Variants in ZFP2 observed in about 807,000 individuals in gnomAD.
The protein encoded by ZFP2 is ZFP2 zinc finger protein, also known as zinc finger protein ZFP2.
In ZFP2, 33 loss-of-function variants were observed where a neutral mutation model predicts 36.1. That is an observed-to-expected ratio of 0.92 (90% confidence interval 0.69 to 1.22). ZFP2 has a LOEUF of 1.22. Among genes scored for constraint, ZFP2 ranks in the 50% most tolerant of loss-of-function variants. ZFP2 has a pLI of 0.00. For missense variants in ZFP2, 522 were observed against 551.4 expected (o/e 0.95, Z 0.53); for synonymous variants, 170 against 178.0 (o/e 0.96, Z 0.36).
In ZFP2 at chr5:178,929,942, T is replaced by TGGG. The variant is rs66712212; in HGVS notation, c.-77-1286_-77-1284dup. Among the ~76,000 whole-genome samples, 385 of 131,610 alleles carry TGGG rather than the reference T, an allele frequency of 2.9e-3. 5 individuals are homozygous for TGGG. Among genetic ancestry groups the TGGG allele is most frequent in the Non-Finnish European group, 5.2e-3 (309 of 59,770 alleles). 86.3% of individuals were successfully genotyped at this position (131,610 alleles called of 152,430 possible). A position where few individuals can be genotyped will look rare whatever the true frequency, so the allele number is the denominator to read the frequency against. On this transcript the variant is annotated intron_variant, in intron 4 of 4. Transcript: ENST00000361362. ...CATAGTGCCAGCATCTGCTTGACGG[T>TGGG]GGGGGGGGGGGCTCAGGAGGCTTAC...
intron 1 of ZFP2, among the ~76,000 whole-genome samples, chr5:178,908,260 A>G (rs1364708885): frequency 4.6e-5 from 7 of 152,118 alleles, no homozygotes; most frequent in African/African-American, 1.4e-4. Context: ...AATCCTGGCT[A>G]ACATGGTGAA....
At chr5:178,911,027 C>T (rs1242504575) in intron 1 of ZFP2, among the ~76,000 whole-genome samples, 2 of 152,158 alleles carry the variant, frequency 1.3e-5, no homozygotes, top group African/African-American at 4.8e-5. Context: ...ATTCTCCTTT[C>T]TTTACGTTTG....
Position 178,931,292 on chromosome 5 carries a change from A to T in ZFP2, c.-22A>T. ...CAACTCCGAAGCCGGGTATTACTGAAGATTTATGCCATGGGGTAACAATGG... is the reference window on the plus strand; with the variant it reads ...CAACTCCGAAGCCGGGTATTACTGATGATTTATGCCATGGGGTAACAATGG... On this transcript the variant is annotated 5_prime_UTR_variant, in exon 5 of 5. It adds an upstream start codon to the 5' untranslated region. Transcript: ENST00000361362. 9 of 1,553,242 alleles carry T rather than the reference A, an allele frequency of 5.8e-6. No homozygotes were observed. The highest frequency in any genetic ancestry group is 7.8e-6 in the Non-Finnish European group (9 of 1,154,016).
rs1472710118 is a variant in ZFP2 at position 178,922,710 on chromosome 5, A to T, written c.-78+6000A>T. The T allele has an allele frequency of 7.0e-6, 11 of 1,578,870 alleles. 2 individuals are homozygous for T. Among genetic ancestry groups the T allele is most frequent in the African/African-American group, 1.3e-5 (1 of 74,474 alleles). On this transcript the variant is annotated intron_variant, in intron 4 of 4. Coordinates refer to ENST00000361362, the MANE Select transcript of ZFP2 (RefSeq NM_030613.4). ...CTGGAATAGAAAGCAACTTACATAC[A>T]AGAACAATTAACTGGAGCAAAGGGA... is the stretch of plus-strand genomic sequence containing the variant.
At chr5:178,906,818 A>T (rs1005026351) in intron 1 of ZFP2, among the ~76,000 whole-genome samples, 2 of 151,532 alleles carry the variant, frequency 1.3e-5, no homozygotes, top group Admixed American at 6.6e-5. Flanking sequence ...TCAGCCTCCG[A>T]AAGTGCTGGG....
chr5:178,905,324 GT>G (rs753377598), intron 1 of ZFP2, among the ~76,000 whole-genome samples: 3 of 152,064 alleles, frequency 2.0e-5, no homozygotes, highest in Non-Finnish European at 4.4e-5. Flanking sequence ...ATTCTTAGGT[GT>G]TTCATTTTCT....
At chr5:178,922,149 T>G in intron 4 of ZFP2, 1 of 1,155,480 alleles carries the variant, frequency 8.7e-7, no homozygotes, top group East Asian at 2.3e-5. Flanking sequence ...ATTCCATCAC[T>G]CTTCTTGGAG....
At chr5:178,915,573 CA>C (rs1758407527) in intron 3 of ZFP2, 1 of 151,656 alleles carries the variant, frequency 6.6e-6, no homozygotes, top group South Asian at 2.1e-4. Context: ...CTCAGCCTCC[CA>C]AAGTGCTAGG....
At chr5:178,925,321 T>G (rs1301280025) in intron 4 of ZFP2, among the ~76,000 whole-genome samples, 1 of 149,134 alleles carries the variant, frequency 6.7e-6, no homozygotes, top group East Asian at 1.9e-4. Flanking sequence ...TTGTGATGTT[T>G]CCAGTTTTTG....
At position 178,932,078 on chromosome 5, in the gene ZFP2, G is replaced by T. The variant is rs1758860741; in HGVS notation, c.765G>T (p.Met255Ile). Residue 255 changes from methionine (M) to isoleucine (I), a missense_variant, in exon 5 of 5, where the codon ATG becomes ATT. Coordinates refer to ENST00000361362, the MANE Select transcript of ZFP2 (RefSeq NM_030613.4). ...GTGGAAAAGCCTTCAGTCAAAGCAT[G>T]CATCTTATTGTACATCAGAGAAGCC... The part of the protein sequence containing the change: ...NECGKAFSQS[M>I]HLIVHQRSHT... 2.5e-6 allele frequency: 4 copies of T among 1,613,896 alleles called. No individual in the cohort carries two copies. The East Asian group carries it at 8.9e-5, about 36-fold the overall frequency.
At chr5:178,915,496 T>G (rs1268059263) in intron 3 of ZFP2, among the ~76,000 whole-genome samples, 1 of 151,894 alleles carries the variant, frequency 6.6e-6, no homozygotes, top group Non-Finnish European at 1.5e-5. Context: ...TGCATTTTAG[T>G]AGAGACAGGG....
intron 1 of ZFP2, among the ~76,000 whole-genome samples, chr5:178,897,816 C>T (rs1757973403): frequency 6.6e-6 from 1 of 152,140 alleles, no homozygotes. Context: ...TGCAATGGTG[C>T]CTAGTATACA....
intron 1 of ZFP2, chr5:178,909,999 A>T: frequency 7.0e-7 from 1 of 1,419,160 alleles, no homozygotes; most frequent in Non-Finnish European, 1.0e-6. Context: ...TAGTTTCCAT[A>T]GGGTGATGGC....
At chr5:178,903,845 G>A (rs1758110362) in intron 1 of ZFP2, among the ~76,000 whole-genome samples, 1 of 152,144 alleles carries the variant, frequency 6.6e-6, no homozygotes, top group Non-Finnish European at 1.5e-5. Flanking sequence ...ACAAAAATTA[G>A]CTGGGCATGG....
At chr5:178,922,982 T>C (rs1343918550) in intron 4 of ZFP2, among the ~76,000 whole-genome samples, 1 of 149,706 alleles carries the variant, frequency 6.7e-6, no homozygotes, top group Non-Finnish European at 1.5e-5. Context: ...TAAAATATTA[T>C]CTCATTCCAT....
chr5:178,910,128 C>T (rs1355848876), intron 1 of ZFP2: 15 of 1,453,474 alleles, frequency 1.0e-5, no homozygotes, highest in East Asian at 4.5e-5. Context: ...GCTGGAGAAC[C>T]GTGCACAGAT....
At chr5:178,919,982 TTGATTA>T (rs1758521009) in intron 4 of ZFP2, among the ~76,000 whole-genome samples, 1 of 151,376 alleles carries the variant, frequency 6.6e-6, no homozygotes, top group African/African-American at 2.4e-5. Context: ...AAAAAAAAAT[TTGATTA>T]TGATGCATCT....
At chr5:178,907,402 G>A (rs10464071) in intron 1 of ZFP2, among the ~76,000 whole-genome samples, 7,038 of 151,286 alleles carry the variant, frequency 0.047, 321 homozygotes, top group East Asian at 0.24. Flanking sequence ...GGAAAGGAGA[G>A]GAGGGTCCTG....
chr5:178,903,343 A>T (rs1025689269), intron 1 of ZFP2, among the ~76,000 whole-genome samples: 4 of 152,200 alleles, frequency 2.6e-5, no homozygotes, highest in South Asian at 2.1e-4. Context: ...GAATATAAAT[A>T]TTGGGCATAT....
Sources: gnomAD v4.1 joint callset for allele counts (sites outside exome capture counted in the v4.1 genomes callset) on GRCh38, gnomAD v4.1.1 for gene constraint, MANE v1.5 for transcripts, NCBI Gene and HGNC (gene_info 2026-07-23, HGNC 2026-07-21) for gene names.